The following BCL11B variants were observed in gnomAD, a reference collection of about 807,000 sequenced individuals.
BCL11B encodes the protein BCL11 transcription factor B, also known as B-cell lymphoma/leukemia 11B.
BCL11B carries 8 observed loss-of-function variants against 49.9 expected under a neutral mutation model. That is an observed-to-expected ratio of 0.16 (90% CI 0.09 to 0.29). BCL11B has a LOEUF of 0.29. Ranked by LOEUF, BCL11B falls within the 10% of genes least tolerant of loss-of-function variation. The probability of loss-of-function intolerance (pLI) is 1.00; values close to 1 mark genes in which losing one functional copy is unlikely to be tolerated. For synonymous variants in BCL11B, 739 were observed against 637.4 expected (o/e 1.16, Z -2.40); for missense variants, 1,006 against 1,351.0 (o/e 0.74, Z 4.00).
intron 3 of BCL11B, among the ~76,000 whole-genome samples, chr14:99,199,683 T>TGTGTGTGCGCGCGC (rs759599743): frequency 1.1e-3 from 78 of 73,716 alleles, no homozygotes; most frequent in East Asian, 2.5e-3. Context: ...TGTGTGTGTG[T>TGTGTGTGCGCGCGC]GCGCGCGCGC....
intron 2 of BCL11B, among the ~76,000 whole-genome samples, chr14:99,235,905 T>A (rs200920481): frequency 4.4e-5 from 3 of 68,912 alleles, no homozygotes; most frequent in Non-Finnish European, 8.0e-5. Context: ...ATTAAAAAAA[T>A]TAAAAAAAAG....
At chr14:99,208,702 TG>T (rs1410297470) in intron 3 of BCL11B, among the ~76,000 whole-genome samples, 1 of 152,184 alleles carries the variant, frequency 6.6e-6, no homozygotes, top group African/African-American at 2.4e-5. Flanking sequence ...CAGAATCCAC[TG>T]GGCCCGTTGT....
rs554768876 is a variant in BCL11B, at chr14:99,205,460, C to A, written c.640+25885G>T. 2.6e-5 allele frequency among the ~76,000 whole-genome samples: 4 copies of A among 152,282 alleles called. No homozygotes were observed. Among genetic ancestry groups the A allele is most frequent in the African/African-American group, 9.6e-5 (4 of 41,564 alleles). On this transcript the variant is annotated intron_variant, in intron 3 of 3. Coordinates refer to ENST00000357195, the MANE Select transcript of BCL11B (RefSeq NM_138576.4). This position sits in a 1 kb window ranked among gnomAD's most constrained non-coding sequence, Gnocchi z 5.0. ...CACTTCTACAATGACTGGTTAAATG[C>A]GCCCAAGGACCAGGCGCTCGCTACA...
chr14:99,214,735 G>C (rs892360537), intron 3 of BCL11B, among the ~76,000 whole-genome samples: 1 of 152,234 alleles, frequency 6.6e-6, no homozygotes, highest in Middle Eastern at 3.4e-3. Context: ...GGAGCATGGG[G>C]ACCCGGCAGG....
At position 99,231,675 on chromosome 14, in the gene BCL11B, G is replaced by T; in HGVS notation, c.428-118C>A. 1 of 1,079,732 alleles carries T rather than the reference G, an allele frequency of 9.3e-7. No homozygotes were observed. The highest frequency in any genetic ancestry group is 1.3e-6 in the Non-Finnish European group (1 of 751,188). The allele number at this position is 1,079,732 out of a possible 1,614,324, so 66.9% of individuals were successfully genotyped here. A position where few individuals can be genotyped will look rare whatever the true frequency, so the allele number is the denominator to read the frequency against. On this transcript the variant is annotated intron_variant, in intron 2 of 3. Coordinates refer to ENST00000357195, the MANE Select transcript of BCL11B (RefSeq NM_138576.4). This position sits in a 1 kb window ranked among gnomAD's most constrained non-coding sequence, Gnocchi z 8.1. Reference sequence around the variant, plus strand: ...CTCAGGCCACCCTTCGGGGGTGGGAGGCCCCCGGGGTGCCAGGCCCTGCAG... The same window carrying T: ...CTCAGGCCACCCTTCGGGGGTGGGATGCCCCCGGGGTGCCAGGCCCTGCAG...
At chr14:99,179,285 C>A (rs1460860273) in intron 3 of BCL11B, among the ~76,000 whole-genome samples, 9 of 151,988 alleles carry the variant, frequency 5.9e-5, no homozygotes, top group Admixed American at 1.3e-4. Flanking sequence ...ACCAGCCTGG[C>A]CAACATGATG....
At chr14:99,176,672 T>C (rs923224804) in intron 3 of BCL11B, among the ~76,000 whole-genome samples, 1 of 152,138 alleles carries the variant, frequency 6.6e-6, no homozygotes, top group East Asian at 1.9e-4. Context: ...ATCCTAATTC[T>C]TTGGGCGGTG....
chr14:99,222,126 G>T (rs540713044), intron 3 of BCL11B, among the ~76,000 whole-genome samples: 66 of 152,246 alleles, frequency 4.3e-4, no homozygotes, highest in African/African-American at 1.5e-3. Context: ...ACAGAACACA[G>T]CCCCTCCACC....
intron 1 of BCL11B, chr14:99,263,218 G>A: frequency 6.5e-6 from 1 of 153,356 alleles, no homozygotes; most frequent in Non-Finnish European, 1.5e-5. Flanking sequence ...GGTCAGCTCT[G>A]CACCCTCCTG....
chr14:99,207,603 G>A (rs929956255), intron 3 of BCL11B, among the ~76,000 whole-genome samples: 3 of 152,220 alleles, frequency 2.0e-5, no homozygotes, highest in African/African-American at 7.2e-5. Context: ...GGCACAATCT[G>A]TGCCCTGGAG....
At chr14:99,266,513 C>T (rs1229924044) in intron 1 of BCL11B, among the ~76,000 whole-genome samples, 1 of 152,250 alleles carries the variant, frequency 6.6e-6, no homozygotes, top group Non-Finnish European at 1.5e-5. Context: ...ATGCCCCCAT[C>T]TGCCAAGTGA....
At chr14:99,200,125 A>G (rs1296278455) in intron 3 of BCL11B, among the ~76,000 whole-genome samples, 4 of 151,530 alleles carry the variant, frequency 2.6e-5, no homozygotes, top group African/African-American at 9.7e-5. Context: ...TTTTTTAAAC[A>G]GTCTTATTGA....
chr14:99,193,545 C>T (rs546794765), intron 3 of BCL11B, among the ~76,000 whole-genome samples: 6 of 152,218 alleles, frequency 3.9e-5, no homozygotes, highest in East Asian at 1.9e-4. Context: ...ACTCGGATTC[C>T]GGCTGCAGAG....
chr14:99,267,544 A>ACCT (rs368110882), intron 1 of BCL11B, among the ~76,000 whole-genome samples: 1 of 131,824 alleles, frequency 7.6e-6, no homozygotes. Flanking sequence ...GAGGAACTTC[A>ACCT]CCCCCCCCCC....
At chr14:99,266,510 C>T (rs1336929690) in intron 1 of BCL11B, among the ~76,000 whole-genome samples, 2 of 152,228 alleles carry the variant, frequency 1.3e-5, no homozygotes, top group South Asian at 2.1e-4. Context: ...AAAATGCCCC[C>T]ATCTGCCAAG....
rs540201913 is a variant in BCL11B at position 99,219,452 on chromosome 14, A to G, written c.640+11893T>C. On this transcript the variant is annotated intron_variant, in intron 3 of 3. Transcript: ENST00000357195. ...CACAACCACTAATAAGAATCATCGC[A>G]ATTACCATCCCGATATACAAAGGAC... Among the ~76,000 whole-genome samples, 3 of 152,248 alleles carry G rather than the reference A, an allele frequency of 2.0e-5. No homozygotes were observed. In the South Asian group the frequency reaches 6.2e-4, roughly 32 times the overall value.
At chr14:99,198,750 T>C (rs1887254242) in intron 3 of BCL11B, among the ~76,000 whole-genome samples, 1 of 152,158 alleles carries the variant, frequency 6.6e-6, no homozygotes, top group Non-Finnish European at 1.5e-5. Flanking sequence ...AACAGCCCCA[T>C]CTGGGCTAAT....
At chr14:99,235,446 A>C (rs958828435) in intron 2 of BCL11B, among the ~76,000 whole-genome samples, 3 of 152,150 alleles carry the variant, frequency 2.0e-5, no homozygotes, top group African/African-American at 7.2e-5. Flanking sequence ...ATTAATTCTC[A>C]CAAGTCGGAG....
chr14:99,223,403 G>A (rs1270302455), intron 3 of BCL11B, among the ~76,000 whole-genome samples: 5 of 152,162 alleles, frequency 3.3e-5, no homozygotes, highest in African/African-American at 9.7e-5. Context: ...GGGTAGGGTG[G>A]TGGGAGCCAG....
Sources: allele counts gnomAD v4.1 joint callset (sites outside exome capture counted in the v4.1 genomes callset), GRCh38; gene constraint gnomAD v4.1.1; non-coding constraint Gnocchi (gnomAD v3.1); transcripts MANE v1.5; gene names NCBI Gene and HGNC (gene_info 2026-07-23, HGNC 2026-07-21).